RPS6KA2: variants seen among roughly 807,000 people sequenced by gnomAD.
The protein encoded by RPS6KA2 is ribosomal protein S6 kinase A2, also known as ribosomal protein S6 kinase alpha-2.
RPS6KA2 carries 42 observed loss-of-function variants against 91.8 expected under a neutral mutation model. That is an observed-to-expected ratio of 0.46 (90% CI 0.36 to 0.59). The LOEUF (loss-of-function observed/expected upper bound fraction) is 0.59, where lower values mean the gene tolerates loss of function less well. Among genes scored for constraint, RPS6KA2 ranks in the 20% least tolerant of loss-of-function variants. RPS6KA2 has a pLI of 0.00. For synonymous variants in RPS6KA2, 414 were observed against 393.6 expected (o/e 1.05, Z -0.61); for missense variants, 798 against 978.5 (o/e 0.82, Z 2.46).
chr6:166,571,800 C>T (rs1217037779), intron 1 of RPS6KA2, among the ~76,000 whole-genome samples: 1 of 152,016 alleles, frequency 6.6e-6, no homozygotes, highest in Non-Finnish European at 1.5e-5. Context: ...CTTGAACGGC[C>T]TCTGGAAAGC....
At chr6:166,763,804 C>G (rs1276797817) in intron 2 of RPS6KA2, among the ~76,000 whole-genome samples, 1 of 152,164 alleles carries the variant, frequency 6.6e-6, no homozygotes, top group Non-Finnish European at 1.5e-5. Context: ...TGATAATAAC[C>G]AACTGCAAAC....
At chr6:166,466,595 G>A (rs756123730) in intron 11 of RPS6KA2, among the ~76,000 whole-genome samples, 6 of 152,170 alleles carry the variant, frequency 3.9e-5, no homozygotes, top group Non-Finnish European at 8.8e-5. Context: ...AGCAATCCTG[G>A]TTCTCCATTC....
At chr6:166,828,810 C>A (rs563436704) in intron 2 of RPS6KA2, among the ~76,000 whole-genome samples, 2 of 151,878 alleles carry the variant, frequency 1.3e-5, no homozygotes, top group East Asian at 1.9e-4. Context: ...GCAACAACAA[C>A]AAAAAATAGA....
At chr6:166,610,829 TA>T (rs1562340024) in intron 1 of RPS6KA2, among the ~76,000 whole-genome samples, 1 of 152,272 alleles carries the variant, frequency 6.6e-6, no homozygotes, top group Non-Finnish European at 1.5e-5. Context: ...GAATAGTTTT[TA>T]AAACTGGAAA....
chr6:166,616,930 C>G (rs1786437341), intron 1 of RPS6KA2, among the ~76,000 whole-genome samples: 1 of 152,186 alleles, frequency 6.6e-6, no homozygotes, highest in African/African-American at 2.4e-5. Context: ...CCCCTAACAC[C>G]CAAGAGGAAG....
chr6:166,847,289 G>A (rs1016050012), intron 2 of RPS6KA2, among the ~76,000 whole-genome samples: 3 of 152,172 alleles, frequency 2.0e-5, no homozygotes, highest in African/African-American at 7.2e-5. Context: ...CACATTCCAT[G>A]TTCATGGATA....
At chr6:166,519,667 G>T (rs1782778888) in intron 3 of RPS6KA2, among the ~76,000 whole-genome samples, 1 of 152,172 alleles carries the variant, frequency 6.6e-6, no homozygotes, top group African/African-American at 2.4e-5. Context: ...TCCTTCCCAG[G>T]AAAACACGGG....
In RPS6KA2 at chr6:166,411,059, G is replaced by C. The variant is rs1778281837; in HGVS notation, c.*1703C>G. On this transcript the variant is annotated 3_prime_UTR_variant, in exon 21 of 21. Coordinates refer to ENST00000265678, the MANE Select transcript of RPS6KA2 (RefSeq NM_021135.6). This position sits in a 1 kb window ranked among gnomAD's most constrained non-coding sequence, Gnocchi z 4.5. ...TACCCTGTGGGCACTATGGAAACAGGTATTCAGTCCGACTTGCTCCTTTTA... is the reference window on the plus strand; with the variant it reads ...TACCCTGTGGGCACTATGGAAACAGCTATTCAGTCCGACTTGCTCCTTTTA... 6.6e-6 allele frequency: 1 copy of C among 151,770 alleles called. No individual in the cohort carries two copies. 9.4% of individuals were successfully genotyped at this position (151,770 alleles called of 1,614,324 possible).
At chr6:166,790,259 A>G (rs1232706133) in intron 2 of RPS6KA2, among the ~76,000 whole-genome samples, 2 of 152,248 alleles carry the variant, frequency 1.3e-5, no homozygotes, top group Non-Finnish European at 2.9e-5. Flanking sequence ...AAGAAAGGGT[A>G]TCTGTGATGG....
At chr6:166,436,969 C>T (rs544626742) in intron 14 of RPS6KA2, among the ~76,000 whole-genome samples, 19 of 152,316 alleles carry the variant, frequency 1.2e-4, no homozygotes, top group Middle Eastern at 3.4e-3. Flanking sequence ...CCAGCGTTTC[C>T]GTCCCGGATG....
chr6:166,743,610 G>A (rs1004170208), intron 2 of RPS6KA2, among the ~76,000 whole-genome samples: 10 of 152,220 alleles, frequency 6.6e-5, no homozygotes, highest in African/African-American at 1.2e-4. Context: ...AGCTACCGCC[G>A]TCTCTTGTAA....
intron 2 of RPS6KA2, among the ~76,000 whole-genome samples, chr6:166,731,383 A>G (rs1407169951): frequency 6.6e-6 from 1 of 152,014 alleles, no homozygotes; most frequent in African/African-American, 2.4e-5. Flanking sequence ...CCTAGCCATT[A>G]GAGACAATCA....
intron 1 of RPS6KA2, among the ~76,000 whole-genome samples, chr6:166,618,953 G>A (rs1486476648): frequency 1.3e-5 from 2 of 152,222 alleles, no homozygotes; most frequent in Non-Finnish European, 2.9e-5. Flanking sequence ...GACTCCGATT[G>A]ACGCCATCAG....
At chr6:166,786,198 T>A (rs1778925411) in intron 2 of RPS6KA2, among the ~76,000 whole-genome samples, 1 of 152,220 alleles carries the variant, frequency 6.6e-6, no homozygotes, top group Admixed American at 6.5e-5. Flanking sequence ...ATTTTGCTAA[T>A]CATCATGGAG....
In RPS6KA2 at chr6:166,453,694, T is replaced by C. The variant is rs1583156089; in HGVS notation, c.1076-2461A>G. Among the ~76,000 whole-genome samples the C allele has an allele frequency of 2.0e-5, 3 of 152,370 alleles. No individual in the cohort carries two copies. The South Asian group carries it at 6.2e-4, about 32-fold the overall frequency. Reference sequence around the variant, plus strand: ...ACTATATTCGATGCAGCAATCCCACTGCTGGGCATTGCCCAAAGGAAAAGA... The same window carrying C: ...ACTATATTCGATGCAGCAATCCCACCGCTGGGCATTGCCCAAAGGAAAAGA... On this transcript the variant is annotated intron_variant, in intron 12 of 20. Coordinates refer to ENST00000265678, the MANE Select transcript of RPS6KA2 (RefSeq NM_021135.6).
intron 1 of RPS6KA2, among the ~76,000 whole-genome samples, chr6:166,611,876 C>T (rs74469546): frequency 0.015 from 2,360 of 152,308 alleles, 25 homozygotes; most frequent in Middle Eastern, 0.031. Context: ...ATTCTCAACC[C>T]TGAGCTCATC....
At chr6:166,605,554 T>C (rs1273287836) in intron 1 of RPS6KA2, among the ~76,000 whole-genome samples, 1 of 152,236 alleles carries the variant, frequency 6.6e-6, no homozygotes, top group African/African-American at 2.4e-5. Context: ...TAAAATGCCA[T>C]GTGACATTAG....
At chr6:166,701,862 G>A in intron 2 of RPS6KA2, 1 of 912,750 alleles carries the variant, frequency 1.1e-6, no homozygotes, top group Non-Finnish European at 1.8e-6. Context: ...GTGTGTTCTG[G>A]ATTATACTGC....
chr6:166,858,396 G>A (rs879180584), intron 1 of RPS6KA2: 25 of 628,602 alleles, frequency 4.0e-5, no homozygotes, highest in Admixed American at 3.3e-4. Context: ...CCATATCACC[G>A]TCCCTTCCCA....
Sources: gnomAD v4.1 joint callset for allele counts (sites outside exome capture counted in the v4.1 genomes callset) on GRCh38, gnomAD v4.1.1 for gene constraint, Gnocchi (gnomAD v3.1) non-coding constraint, MANE v1.5 for transcripts, NCBI Gene and HGNC (gene_info 2026-07-23, HGNC 2026-07-21) for gene names.